Variants in ASRGL1 observed in about 807,000 individuals in gnomAD.
ASRGL1 encodes the protein isoaspartyl peptidase/L-asparaginase.
ASRGL1 carries 16 observed loss-of-function variants against 22.4 expected under a neutral mutation model. That is an observed-to-expected ratio of 0.71 (90% CI 0.48 to 1.08). The LOEUF (loss-of-function observed/expected upper bound fraction) is 1.08, where lower values mean the gene tolerates loss of function less well. Among genes scored for constraint, ASRGL1 ranks in the 50% least tolerant of loss-of-function variants. The pLI, the probability that ASRGL1 is intolerant of heterozygous loss-of-function variation, is 0.00. For missense variants in ASRGL1, 412 were observed against 410.1 expected (o/e 1.00, Z -0.04); for synonymous variants, 165 against 159.3 (o/e 1.04, Z -0.27).
intron 4 of ASRGL1, among the ~76,000 whole-genome samples, chr11:62,369,918 A>G (rs1946718211): frequency 6.6e-6 from 1 of 152,088 alleles, no homozygotes. Flanking sequence ...TTTGTCTAAG[A>G]TCATTAATTT....
intron 2 of ASRGL1, among the ~76,000 whole-genome samples, chr11:62,347,380 T>A (rs932784727): frequency 2.6e-5 from 4 of 152,206 alleles, no homozygotes; most frequent in Non-Finnish European, 4.4e-5. Flanking sequence ...TCCTCGGAGA[T>A]AGAGGGGTGA....
At chr11:62,393,671 T>TAA (rs1459031669), downstream of ASRGL1, among the ~76,000 whole-genome samples, 2 of 152,132 alleles carry the variant, frequency 1.3e-5, no homozygotes, top group Non-Finnish European at 2.9e-5. Flanking sequence ...AGGTGCACAG[T>TAA]AAAAACCTCA....
chr11:62,348,059 G>C (rs190253494), intron 2 of ASRGL1, among the ~76,000 whole-genome samples: 31 of 152,190 alleles, frequency 2.0e-4, no homozygotes, highest in Admixed American at 5.2e-4. Context: ...AAGTGATGTA[G>C]ACATTGTATC....
rs751865225 is a variant in ASRGL1, at chr11:62,338,053, G to A, written c.76G>A (p.Gly26Ser). ...GGATCGGAAGGAGCGAGTGCACCAG[G>A]GCATGGTCAGAGCCGCCACCGTGGG... Reference protein sequence around the residue: ...SKDRKERVHQGMVRAATVGYG... With the variant: ...SKDRKERVHQSMVRAATVGYG... Residue 26 changes from glycine to serine, a missense_variant, in exon 2 of 7, where the codon GGC (glycine) becomes AGC (serine). Gly to Ser is a moderately conservative substitution (Grantham distance 56). Transcript: ENST00000415229. 16 of 1,608,332 alleles carry A rather than the reference G, an allele frequency of 9.9e-6. No homozygotes were observed. In the South Asian group the frequency reaches 1.7e-4, roughly 17 times the overall value.
intron 2 of ASRGL1, among the ~76,000 whole-genome samples, chr11:62,354,563 C>T (rs1946234890): frequency 6.6e-6 from 1 of 152,180 alleles, no homozygotes; most frequent in Non-Finnish European, 1.5e-5. Context: ...TGAACACAAG[C>T]ACTGAGAGGT....
chr11:62,391,552 G>A lies in ASRGL1; in HGVS notation c.641G>A (p.Gly214Glu). 1 of 1,612,466 alleles carries A rather than the reference G, an allele frequency of 6.2e-7. No individual in the cohort carries two copies. The highest frequency in any genetic ancestry group is 8.5e-7 in the Non-Finnish European group (1 of 1,179,324). ...GGAGGTTATGCCGACAATGACATCG[G>A]AGCCGTCTCAACCACAGGGCATGGG... ...GAGGYADNDI[G>E]AVSTTGHGES... Residue 214 changes from glycine to glutamate, a missense_variant, in exon 6 of 7, where the codon GGA becomes GAA. Gly to Glu is a moderately conservative substitution (Grantham distance 98). Transcript: ENST00000415229.
intron 2 of ASRGL1, among the ~76,000 whole-genome samples, chr11:62,338,668 G>A (rs1344817137): frequency 2.0e-5 from 3 of 152,126 alleles, no homozygotes; most frequent in African/African-American, 7.2e-5. Context: ...TAGCACGGTG[G>A]CTCACGCCTG....
intron 4 of ASRGL1, among the ~76,000 whole-genome samples, chr11:62,388,713 G>T (rs568802638): frequency 8.8e-5 from 13 of 147,682 alleles, no homozygotes; most frequent in African/African-American, 3.0e-4. Flanking sequence ...GTCCCAGCCT[G>T]TATCTACCAA....
At chr11:62,363,640 A>C (rs904953149) in intron 4 of ASRGL1, among the ~76,000 whole-genome samples, 9 of 152,224 alleles carry the variant, frequency 5.9e-5, no homozygotes, top group Non-Finnish European at 1.2e-4. Flanking sequence ...CACAATTTAT[A>C]TATAAATCCA....
intron 2 of ASRGL1, among the ~76,000 whole-genome samples, chr11:62,351,572 C>T (rs1946167133): frequency 1.3e-5 from 2 of 151,940 alleles, no homozygotes; most frequent in South Asian, 2.1e-4. Flanking sequence ...ATCACTTGAA[C>T]CTGGGAGGCG....
chr11:62,371,805 T>C (rs1468437358), intron 4 of ASRGL1: 2 of 472,616 alleles, frequency 4.2e-6, no homozygotes, highest in East Asian at 8.9e-5. Context: ...ACAAAAAAAA[T>C]TAGCCGGGCG....
At position 62,391,608 on chromosome 11, in the gene ASRGL1, C is replaced by G. The variant is rs1947340547; in HGVS notation, c.697C>G (p.Leu233Val). Residue 233 changes from leucine (L) to valine (V), a missense_variant, in exon 6 of 7, where the codon CTC becomes GTC. Coordinates refer to ENST00000415229, the MANE Select transcript of ASRGL1 (RefSeq NM_001083926.2). The stretch of plus-strand genomic sequence containing the variant: ...CATCCTGAAGGTGAACCTGGCTAGA[C>G]TCACCCTGTTCCACATAGAACAAGG... Reference protein sequence around the residue: ...ESILKVNLARLTLFHIEQGKT... With the variant: ...ESILKVNLARVTLFHIEQGKT... 1.9e-6 allele frequency: 3 copies of G among 1,611,078 alleles called. No homozygotes were observed. The highest frequency in any genetic ancestry group is 2.5e-6 in the Non-Finnish European group (3 of 1,178,590).
intron 4 of ASRGL1, chr11:62,371,163 C>A: frequency 8.4e-7 from 1 of 1,185,384 alleles, no homozygotes; most frequent in Non-Finnish European, 1.1e-6. Context: ...CGGTGGCGGC[C>A]TGGGAGGAGC....
At chr11:62,340,082 C>G (rs952224207) in intron 2 of ASRGL1, among the ~76,000 whole-genome samples, 91 of 147,844 alleles carry the variant, frequency 6.2e-4, no homozygotes, top group African/African-American at 2.2e-3. Flanking sequence ...GGCAACATGG[C>G]AAAACCCCAT....
downstream of ASRGL1, among the ~76,000 whole-genome samples, chr11:62,395,050 C>T (rs144619928): frequency 3.0e-3 from 457 of 152,310 alleles, 5 homozygotes; most frequent in Non-Finnish European, 4.4e-3. Context: ...AGGGAAGGTA[C>T]TCTATCTGGA....
chr11:62,373,950 C>T (rs1946844194), intron 4 of ASRGL1, among the ~76,000 whole-genome samples: 2 of 152,216 alleles, frequency 1.3e-5, no homozygotes, highest in Non-Finnish European at 2.9e-5. Flanking sequence ...CTTCATGGCT[C>T]CCTGCGGAGC....
chr11:62,387,180 G>A (rs369054412), intron 4 of ASRGL1, among the ~76,000 whole-genome samples: 114 of 151,996 alleles, frequency 7.5e-4, no homozygotes, highest in East Asian at 7.3e-3. Context: ...TGGAATTACA[G>A]GTGTGAGCCA....
chr11:62,353,416 C>T (rs574722494), intron 2 of ASRGL1, among the ~76,000 whole-genome samples: 1 of 150,350 alleles, frequency 6.7e-6, no homozygotes, highest in African/African-American at 2.4e-5. Context: ...GTGATCACAG[C>T]TTACTGCAAC....
intron 2 of ASRGL1, among the ~76,000 whole-genome samples, chr11:62,347,903 G>C (rs1321769969): frequency 6.6e-6 from 1 of 152,128 alleles, no homozygotes; most frequent in Non-Finnish European, 1.5e-5. Context: ...CTCCAGCCTG[G>C]GCGACAGAAT....
Sources: gnomAD v4.1 joint callset for allele counts (sites outside exome capture counted in the v4.1 genomes callset) on GRCh38, gnomAD v4.1.1 for gene constraint, MANE v1.5 for transcripts, NCBI Gene and HGNC (gene_info 2026-07-23, HGNC 2026-07-21) for gene names.